The following LARP1 variants were observed in gnomAD, a reference collection of about 807,000 sequenced individuals.
The protein encoded by LARP1 is La ribonucleoprotein 1, translational regulator.
LARP1 carries 36 observed loss-of-function variants against 122.7 expected under a neutral mutation model. The observed-to-expected ratio is 0.29, with a 90% CI of 0.22 to 0.39. The LOEUF (loss-of-function observed/expected upper bound fraction) is 0.39. Among genes scored for constraint, LARP1 ranks in the 10% least tolerant of loss-of-function variants. LARP1 has a pLI of 1.00. For synonymous variants in LARP1, 539 were observed against 528.7 expected, an observed-to-expected ratio of 1.02 and a Z score of -0.27; for missense variants, 1,040 against 1,403.6, an observed-to-expected ratio of 0.74 and a Z score of 4.14.
intron 1 of LARP1, among the ~76,000 whole-genome samples, chr5:154,741,061 G>C (rs1287860427): frequency 6.6e-6 from 1 of 152,158 alleles, no homozygotes; most frequent in African/African-American, 2.4e-5. Context: ...TGACAGCATG[G>C]TCCCCAGTCC....
chr5:154,697,129 T>C (rs1375706027), intron 1 of LARP1, among the ~76,000 whole-genome samples: 5 of 152,136 alleles, frequency 3.3e-5, no homozygotes, highest in African/African-American at 1.2e-4. Context: ...AGAATTGTTT[T>C]AGGGTAAAGA....
At chr5:154,792,826 A>G (rs761669177) in intron 4 of LARP1, 30 bp downstream of exon 4, 1 of 1,608,118 alleles carries the variant, frequency 6.2e-7, no homozygotes, top group Non-Finnish European at 8.5e-7. Context: ...ACTTGGGAGA[A>G]GGTGGCAGGG....
Position 154,814,899 on chromosome 5 carries a change from C to CAA in LARP1, c.*818_*819dup, listed in dbSNP as rs759947747. 3.3e-3 allele frequency: 406 copies of CAA among 123,476 alleles called. 2 individuals are homozygous for CAA. The highest frequency in any genetic ancestry group is 0.012 in the African/African-American group (389 of 33,792). 7.6% of individuals were successfully genotyped at this position (123,476 alleles called of 1,614,324 possible). ...AAAGACAAAATCGACCATAAAAGAC[C>CAA]AAAAAAAAAAAAAAAATCAGAAAAC... On this transcript the variant is annotated 3_prime_UTR_variant, in exon 19 of 19. Coordinates refer to ENST00000518297, the MANE Select transcript of LARP1 (RefSeq NM_033551.3).
At chr5:154,752,928 G>C (rs1363758371), upstream of LARP1, among the ~76,000 whole-genome samples, 5 of 150,850 alleles carry the variant, frequency 3.3e-5, no homozygotes, top group Non-Finnish European at 7.4e-5. Flanking sequence ...GACAGAGTAA[G>C]AGTCAAAAAA....
At chr5:154,759,876 C>T (rs978245610) in intron 1 of LARP1, among the ~76,000 whole-genome samples, 30 of 152,120 alleles carry the variant, frequency 2.0e-4, no homozygotes, top group Non-Finnish European at 2.8e-4. Flanking sequence ...CATCCGTAGG[C>T]TAATATAAGT....
chr5:154,809,150 T>C (rs560761527), intron 16 of LARP1, among the ~76,000 whole-genome samples: 1 of 152,032 alleles, frequency 6.6e-6, no homozygotes, highest in Non-Finnish European at 1.5e-5. Context: ...TTGTTTCCAA[T>C]ATTTTGCTAT....
chr5:154,763,836 T>C (rs1754680105), intron 1 of LARP1, among the ~76,000 whole-genome samples: 1 of 150,278 alleles, frequency 6.7e-6, no homozygotes, highest in African/African-American at 2.5e-5. Context: ...GGATACCCCA[T>C]CTCTTACAAA....
chr5:154,757,841 CTCCCCTTCCCCCCTG>C (rs1754112447), intron 1 of LARP1, among the ~76,000 whole-genome samples: 1 of 42,710 alleles, frequency 2.3e-5, no homozygotes, highest in East Asian at 1.0e-3. Context: ...TTCCCCCCTG[CTCCCCTTCCCCCCTG>C]CTCCCCTTCC....
chr5:154,722,564 T>A (rs1442952757), intron 1 of LARP1, among the ~76,000 whole-genome samples: 1 of 152,024 alleles, frequency 6.6e-6, no homozygotes, highest in Admixed American at 6.6e-5. Flanking sequence ...ACCATTTCTA[T>A]ACTTACAGGA....
intron 1 of LARP1, among the ~76,000 whole-genome samples, chr5:154,725,958 G>T (rs1304503113): frequency 1.3e-5 from 2 of 151,906 alleles, no homozygotes; most frequent in African/African-American, 4.8e-5. Context: ...GTCCTGCCTC[G>T]GCCTCTTGAG....
intron 10 of LARP1, 140 bp from the exon 11 acceptor site, chr5:154,801,867 T>C (rs1211732867): frequency 1.4e-6 from 1 of 726,372 alleles, no homozygotes; most frequent in Non-Finnish European, 2.2e-6. Flanking sequence ...GGATGACGCT[T>C]GTGACCTGCT....
upstream of LARP1, among the ~76,000 whole-genome samples, chr5:154,752,661 G>A (rs1040076815): frequency 4.6e-5 from 7 of 151,940 alleles, no homozygotes; most frequent in South Asian, 2.1e-4. Flanking sequence ...TGTCTCGGCC[G>A]GGCATGGTGG....
chr5:154,759,650 G>A (rs1754283812), intron 1 of LARP1, among the ~76,000 whole-genome samples: 1 of 152,182 alleles, frequency 6.6e-6, no homozygotes, highest in Non-Finnish European at 1.5e-5. Context: ...CACATGTAGT[G>A]CCGTGAGACT....
At chr5:154,695,526 G>A (rs763180502) in intron 1 of LARP1, among the ~76,000 whole-genome samples, 7 of 151,814 alleles carry the variant, frequency 4.6e-5, no homozygotes, top group African/African-American at 1.5e-4. Flanking sequence ...GCATGGTGGC[G>A]CGCGCCTGTA....
chr5:154,789,479 C>T (rs924823576), intron 1 of LARP1, among the ~76,000 whole-genome samples: 1 of 152,038 alleles, frequency 6.6e-6, no homozygotes, highest in African/African-American at 2.4e-5. Context: ...CCTTGGCCCC[C>T]CAAAGTGCTG....
At chr5:154,785,230 G>T (rs561940234) in intron 1 of LARP1, among the ~76,000 whole-genome samples, 1 of 152,232 alleles carries the variant, frequency 6.6e-6, no homozygotes. Flanking sequence ...TCCCCATCCA[G>T]TGGGCATGGA....
chr5:154,791,248 C>T (rs1241635815), intron 3 of LARP1, among the ~76,000 whole-genome samples: 4 of 150,556 alleles, frequency 2.7e-5, no homozygotes, highest in Non-Finnish European at 5.9e-5. Flanking sequence ...AATTCTCACT[C>T]TGTCACCCAG....
At chr5:154,795,378 A>C (rs1163441452) in intron 8 of LARP1, 59 bp downstream of exon 8, 2 of 1,565,568 alleles carry the variant, frequency 1.3e-6, no homozygotes, top group South Asian at 1.1e-5. Flanking sequence ...AGGGAGCTGG[A>C]GTTTGGGCCA....
chr5:154,725,084 A>G (rs909042892), intron 1 of LARP1, among the ~76,000 whole-genome samples: 1 of 151,948 alleles, frequency 6.6e-6, no homozygotes, highest in Non-Finnish European at 1.5e-5. Flanking sequence ...GTCTCTACAA[A>G]AAAACTTTAA....
Sources: gnomAD v4.1 joint callset for allele counts (sites outside exome capture counted in the v4.1 genomes callset) on GRCh38, gnomAD v4.1.1 for gene constraint, MANE v1.5 for transcripts, NCBI Gene and HGNC (gene_info 2026-07-23, HGNC 2026-07-21) for gene names.